Variants in PHTF2 observed in about 807,000 individuals in gnomAD.
The protein encoded by PHTF2 is protein PHTF2.
In PHTF2, 60 loss-of-function variants were observed where a neutral mutation model predicts 101.2. The observed-to-expected ratio is 0.59, with a 90% confidence interval of 0.48 to 0.73. PHTF2 has a LOEUF of 0.73. Among genes scored for constraint, PHTF2 ranks in the 30% least tolerant of loss-of-function variants. The pLI, the probability that PHTF2 is intolerant of heterozygous loss-of-function variation, is 0.00. For synonymous variants in PHTF2, 311 were observed against 307.3 expected, an observed-to-expected ratio of 1.01 and a Z score of -0.13; for missense variants, 747 against 908.7, an observed-to-expected ratio of 0.82 and a Z score of 2.29.
chr7:77,939,667 C>T (rs1384913586), intron 13 of PHTF2, among the ~76,000 whole-genome samples: 1 of 151,252 alleles, frequency 6.6e-6, no homozygotes, highest in African/African-American at 2.4e-5. Context: ...AAGTGTAATG[C>T]TGAGTTTTTT....
intron 1 of PHTF2, among the ~76,000 whole-genome samples, chr7:77,838,936 G>A (rs577314091): frequency 2.0e-5 from 3 of 152,190 alleles, no homozygotes; most frequent in Non-Finnish European, 2.9e-5. Context: ...GAGGTTTATC[G>A]TCTAAACATT....
At chr7:77,854,636 A>G (rs1797027489) in intron 2 of PHTF2, 1 of 645,808 alleles carries the variant, frequency 1.5e-6, no homozygotes, top group Non-Finnish European at 2.8e-6. Flanking sequence ...CAGGAATCTT[A>G]GAAATCTACT....
chr7:77,934,516 G>A (rs573936388), intron 12 of PHTF2, among the ~76,000 whole-genome samples: 4 of 152,192 alleles, frequency 2.6e-5, no homozygotes, highest in Non-Finnish European at 5.9e-5. Flanking sequence ...TTTTCAGGTA[G>A]TTTTGAATGA....
At chr7:77,896,156 TTTTG>T (rs1415403026) in intron 5 of PHTF2, among the ~76,000 whole-genome samples, 4 of 152,202 alleles carry the variant, frequency 2.6e-5, no homozygotes, top group Admixed American at 1.3e-4. Context: ...ATTGTTTCCT[TTTTG>T]TTTGTACAAA....
rs533562425 is a variant in PHTF2, at chr7:77,865,955, G to A, written c.147+11121G>A. 4.4e-4 allele frequency among the ~76,000 whole-genome samples: 67 copies of A among 151,978 alleles called. 1 individual carries two copies. Among genetic ancestry groups the A allele is most frequent in the African/African-American group, 1.5e-3 (61 of 41,466 alleles). On this transcript the variant is annotated intron_variant, in intron 3 of 19. Transcript: ENST00000416283. ...TCCCAGTACTTTGGGAGGCGAAGGC[G>A]GGCAGATCTCTTGAGGTCAGGAGTT...
intron 4 of PHTF2, among the ~76,000 whole-genome samples, 152 bp from the exon 4 acceptor site, chr7:77,893,830 G>T (rs908295327): frequency 6.6e-6 from 1 of 152,062 alleles, no homozygotes; most frequent in Admixed American, 6.6e-5. Context: ...GTTTACTCCT[G>T]ATGTTGGTTT....
chr7:77,936,818 T>C (rs1805182283), intron 12 of PHTF2, among the ~76,000 whole-genome samples: 1 of 151,516 alleles, frequency 6.6e-6, no homozygotes, highest in African/African-American at 2.4e-5. Flanking sequence ...GGTTTAGTGT[T>C]TCATTAATTT....
chr7:77,861,082 G>A (rs1797603433), intron 3 of PHTF2, among the ~76,000 whole-genome samples: 1 of 152,060 alleles, frequency 6.6e-6, no homozygotes, highest in South Asian at 2.1e-4. Flanking sequence ...GTTTTCCTTT[G>A]TATTTTTGAA....
rs915884055 is a variant in PHTF2, at chr7:77,922,937, A to G, written c.1119+159A>G. The G allele has an allele frequency of 4.4e-6, 6 of 1,362,398 alleles. No homozygotes were observed. In the Admixed American group the frequency reaches 1.9e-4, roughly 42 times the overall value. The allele number at this position is 1,362,398 out of a possible 1,614,324, so 84.4% of individuals were successfully genotyped here. ...TCTGGATTTATAAAATAGCAGTTTT[A>G]GGTTTACGTATTGCACATGTATTGA... On this transcript the variant is annotated intron_variant, in intron 11 of 19. Coordinates refer to ENST00000416283, the Ensembl canonical transcript of PHTF2.
At chr7:77,927,177 A>AAAAAT (rs1554388762) in intron 11 of PHTF2, among the ~76,000 whole-genome samples, 3,417 of 77,408 alleles carry the variant, frequency 0.044, 183 homozygotes, top group Non-Finnish European at 0.068. Context: ...AAAAAAAAAA[A>AAAAAT]ATATATATAT....
chr7:77,937,346 C>T (rs2150965433), intron 12 of PHTF2, among the ~76,000 whole-genome samples: 1 of 152,202 alleles, frequency 6.6e-6, no homozygotes, highest in Admixed American at 6.5e-5. Context: ...AGACTGACAA[C>T]TAAGTACTTT....
At chr7:77,926,506 T>C (rs2150931959) in intron 11 of PHTF2, among the ~76,000 whole-genome samples, 1 of 152,268 alleles carries the variant, frequency 6.6e-6, no homozygotes, top group East Asian at 1.9e-4. Context: ...GTCCCCATTC[T>C]AATATCAGTA....
At chr7:77,886,272 T>G (rs1799840078) in intron 3 of PHTF2, among the ~76,000 whole-genome samples, 1 of 152,196 alleles carries the variant, frequency 6.6e-6, no homozygotes, top group African/African-American at 2.4e-5. Flanking sequence ...AGATACTTCT[T>G]TTCTAAAATT....
intron 2 of PHTF2, among the ~76,000 whole-genome samples, chr7:77,846,971 G>A (rs1195318913): frequency 6.6e-6 from 1 of 152,106 alleles, no homozygotes; most frequent in African/African-American, 2.4e-5. Context: ...TCCCATGAAA[G>A]GAGCTTTCTA....
chr7:77,916,944 C>T (rs751225458), intron 9 of PHTF2, among the ~76,000 whole-genome samples: 1 of 152,226 alleles, frequency 6.6e-6, no homozygotes, highest in Non-Finnish European at 1.5e-5. Context: ...GAGGCCTGGT[C>T]GTGACCCACT....
At chr7:77,937,389 G>C (rs1336480495) in intron 12 of PHTF2, among the ~76,000 whole-genome samples, 5 of 152,042 alleles carry the variant, frequency 3.3e-5, no homozygotes, top group African/African-American at 1.2e-4. Flanking sequence ...TTTGAACATA[G>C]GTTGACTAAT....
At chr7:77,807,339 G>T (rs1225649283) in intron 1 of PHTF2, among the ~76,000 whole-genome samples, 7 of 151,682 alleles carry the variant, frequency 4.6e-5, no homozygotes, top group African/African-American at 1.2e-4. Flanking sequence ...AAAGGCTCCA[G>T]TTGTTCCACA....
In PHTF2 at chr7:77,843,473, G is replaced by A. The variant is rs566851874; in HGVS notation, c.45+3173G>A. Among the ~76,000 whole-genome samples the A allele has an allele frequency of 5.9e-5, 9 of 151,924 alleles. No individual in the cohort carries two copies. In the South Asian group the frequency reaches 1.3e-3, roughly 21 times the overall value. ...AGATTGTTCTTAAGTCATGTCTCCC[G>A]GCTGCCATCTTAGTATTTTCTTTTA... On this transcript the variant is annotated intron_variant, in intron 2 of 19. Transcript: ENST00000416283.
intron 1 of PHTF2, among the ~76,000 whole-genome samples, chr7:77,831,386 G>C (rs111693184): frequency 2.0e-5 from 3 of 152,356 alleles, no homozygotes; most frequent in South Asian, 2.1e-4. Context: ...CCTGCTTGCT[G>C]TTAAGGACAT....
Sources: gnomAD v4.1 joint callset for allele counts (sites outside exome capture counted in the v4.1 genomes callset) on GRCh38, gnomAD v4.1.1 for gene constraint, MANE v1.5 for transcripts, NCBI Gene and HGNC (gene_info 2026-07-23, HGNC 2026-07-21) for gene names.